The following MARCHF10 variants were observed in gnomAD, a reference collection of about 807,000 sequenced individuals.
MARCHF10 encodes the protein membrane associated ring-CH-type finger 10.
MARCHF10 carries 64 observed loss-of-function variants against 76.2 expected under a neutral mutation model. The ratio of observed to expected loss-of-function variants is 0.84; its 90% CI spans 0.69 to 1.03. MARCHF10 has a LOEUF of 1.03. Ranked by LOEUF, MARCHF10 falls within the 50% of genes least tolerant of loss-of-function variation. MARCHF10 has a pLI of 0.00. For missense variants in MARCHF10, 875 were observed against 958.0 expected, an observed-to-expected ratio of 0.91 and a Z score of 1.14; for synonymous variants, 340 against 357.5, an observed-to-expected ratio of 0.95 and a Z score of 0.55.
chr17:62,745,003 C>A (rs867058799), intron 4 of MARCHF10, among the ~76,000 whole-genome samples: 1,122 of 97,630 alleles, frequency 0.011, no homozygotes, highest in Admixed American at 0.013. Context: ...GACTCCATCT[C>A]AAAAAAAAAA....
rs2091382418 is a variant in MARCHF10 at position 62,738,485 on chromosome 17, G to A, written c.536-1153C>T. Among the ~76,000 whole-genome samples the A allele has an allele frequency of 6.6e-6, 1 of 152,134 alleles. No homozygotes were observed. The highest frequency in any genetic ancestry group is 1.5e-5 in the Non-Finnish European group (1 of 68,028). On this transcript the variant is annotated intron_variant, in intron 5 of 10. Transcript: ENST00000311269. This position sits in a 1 kb window ranked among gnomAD's most constrained non-coding sequence, Gnocchi z 4.0. Reference sequence around the variant, plus strand: ...CCGCTTTGTTCTCCTCTCTGCTATTGTGTGGGATCTGATGAGATGCTGCTC... The same window carrying A: ...CCGCTTTGTTCTCCTCTCTGCTATTATGTGGGATCTGATGAGATGCTGCTC...
Position 62,710,365 on chromosome 17 carries a change from A to G in MARCHF10, c.2328+866T>C, listed in dbSNP as rs1010730794. Among the ~76,000 whole-genome samples, 42 of 152,254 alleles carry G rather than the reference A, an allele frequency of 2.8e-4. 2 individuals carry two copies. Among genetic ancestry groups the G allele is most frequent in the African/African-American group, 1.0e-3 (42 of 41,544 alleles). Reference sequence around the variant, plus strand: ...TGTATTTCTTTGAGAAATTTATGTCAGCATTTAAACCATGGAAGAGTTTAG... The same window carrying G: ...TGTATTTCTTTGAGAAATTTATGTCGGCATTTAAACCATGGAAGAGTTTAG... On this transcript the variant is annotated intron_variant, in intron 9 of 10. Transcript: ENST00000311269.
intron 4 of MARCHF10, chr17:62,750,457 CT>C (rs2091860239): frequency 6.5e-6 from 1 of 153,458 alleles, no homozygotes; most frequent in Non-Finnish European, 1.5e-5. Flanking sequence ...TGGTATTGGG[CT>C]GCAGGACAGG....
At position 62,719,214 on chromosome 17, in the gene MARCHF10, C is replaced by T. The variant is rs189982048; in HGVS notation, c.2214+3274G>A. Among the ~76,000 whole-genome samples, 22 of 152,204 alleles carry T rather than the reference C, an allele frequency of 1.4e-4. No individual in the cohort carries two copies. The East Asian group carries it at 3.5e-3, about 24-fold the overall frequency. Reference sequence around the variant, plus strand: ...GATGTAATTTAAAATTTCTAGTAGCCACATTAAAGAAGTAAAAAGAAACTG... The same window carrying T: ...GATGTAATTTAAAATTTCTAGTAGCTACATTAAAGAAGTAAAAAGAAACTG... On this transcript the variant is annotated intron_variant, in intron 8 of 10. Coordinates refer to ENST00000311269, the MANE Select transcript of MARCHF10 (RefSeq NM_152598.4).
chr17:62,793,783 C>A (rs536338372), intron 2 of MARCHF10, among the ~76,000 whole-genome samples: 1 of 149,952 alleles, frequency 6.7e-6, no homozygotes, highest in Admixed American at 6.6e-5. Context: ...TCCATCAGCA[C>A]CACAACCATT....
At chr17:62,749,515 A>C (rs1260571260) in intron 4 of MARCHF10, among the ~76,000 whole-genome samples, 2 of 152,234 alleles carry the variant, frequency 1.3e-5, no homozygotes, top group Admixed American at 1.3e-4. Context: ...GCAGGAGCCA[A>C]TGTTGCCTTG....
intron 3 of MARCHF10, among the ~76,000 whole-genome samples, chr17:62,777,023 T>C (rs2092565148): frequency 6.6e-6 from 1 of 152,182 alleles, no homozygotes; most frequent in Admixed American, 6.5e-5. Flanking sequence ...CCACTGCAGA[T>C]TGGCAGCCTT....
chr17:62,753,433 T>G (rs910746539), intron 4 of MARCHF10, among the ~76,000 whole-genome samples: 1 of 152,100 alleles, frequency 6.6e-6, no homozygotes, highest in Non-Finnish European at 1.5e-5. Flanking sequence ...GAAACTCAAA[T>G]GTACATAGGA....
chr17:62,804,941 G>A (rs2093139772), intron 1 of MARCHF10: 2 of 152,198 alleles, frequency 1.3e-5, no homozygotes, highest in South Asian at 2.1e-4. Context: ...CGCTCCTCCT[G>A]TTTATTCAGT....
At chr17:62,745,085 C>A (rs955051416) in intron 4 of MARCHF10, among the ~76,000 whole-genome samples, 15 of 149,364 alleles carry the variant, frequency 1.0e-4, no homozygotes, top group African/African-American at 3.2e-4. Context: ...TTTCCTTTTG[C>A]TAAGAAGTTT....
intron 8 of MARCHF10, among the ~76,000 whole-genome samples, chr17:62,715,670 A>C (rs375754191): frequency 6.6e-6 from 1 of 152,254 alleles, no homozygotes; most frequent in East Asian, 1.9e-4. Context: ...AGGCCCTGAC[A>C]GACCTAAGAT....
chr17:62,724,868 G>A, intron 7 of MARCHF10, 70 bp downstream of exon 7: 1 of 1,554,926 alleles, frequency 6.4e-7, no homozygotes, highest in Non-Finnish European at 8.8e-7. Flanking sequence ...AAGGCTCCGG[G>A]GCCCACACCG....
intron 4 of MARCHF10, chr17:62,749,835 T>C (rs536840104): frequency 4.3e-4 from 65 of 152,358 alleles, no homozygotes; most frequent in African/African-American, 1.5e-3. Context: ...CTGCCCCCGG[T>C]GCCACCGCTC....
intron 4 of MARCHF10, 90 bp downstream of exon 4, chr17:62,759,745 A>G: frequency 7.4e-7 from 1 of 1,350,568 alleles, no homozygotes. Flanking sequence ...TGCTGGGATT[A>G]CAGGCGTGAG....
intron 3 of MARCHF10, among the ~76,000 whole-genome samples, chr17:62,781,953 C>T (rs1476170528): frequency 6.6e-6 from 1 of 152,152 alleles, no homozygotes; most frequent in East Asian, 1.9e-4. Context: ...CCTGCCTTTA[C>T]AAATCAGAGG....
intron 8 of MARCHF10, among the ~76,000 whole-genome samples, chr17:62,717,713 T>C (rs4968736): frequency 2.0e-5 from 3 of 152,124 alleles, no homozygotes; most frequent in South Asian, 4.1e-4. Context: ...ACAGCGCTCA[T>C]GACCCTGGCC....
intron 8 of MARCHF10, among the ~76,000 whole-genome samples, chr17:62,715,571 G>A (rs1164313718): frequency 6.6e-6 from 1 of 152,192 alleles, no homozygotes; most frequent in Non-Finnish European, 1.5e-5. Flanking sequence ...GCTTCCAGGC[G>A]ACAGCCAACG....
intron 3 of MARCHF10, among the ~76,000 whole-genome samples, chr17:62,766,070 C>A (rs922395328): frequency 1.3e-5 from 2 of 151,894 alleles, no homozygotes; most frequent in East Asian, 3.9e-4. Context: ...GTGGTGTGCA[C>A]TCATATTCCC....
intron 4 of MARCHF10, among the ~76,000 whole-genome samples, chr17:62,752,888 G>C (rs1478181701): frequency 6.6e-6 from 1 of 151,984 alleles, no homozygotes; most frequent in Non-Finnish European, 1.5e-5. Context: ...CTCTCAGCTG[G>C]CCCTTCTCCA....
Sources: gnomAD v4.1 joint callset for allele counts (sites outside exome capture counted in the v4.1 genomes callset) on GRCh38, gnomAD v4.1.1 for gene constraint, Gnocchi (gnomAD v3.1) non-coding constraint, MANE v1.5 for transcripts, NCBI Gene and HGNC (gene_info 2026-07-23, HGNC 2026-07-21) for gene names.